CAPN2: variants seen among roughly 807,000 people sequenced by gnomAD.
CAPN2 encodes the protein calpain 2.
In CAPN2, 92 loss-of-function variants were observed where a neutral mutation model predicts 102.3. The observed-to-expected ratio is 0.90, with a 90% CI of 0.76 to 1.07. CAPN2 has a LOEUF of 1.07. Ranked by LOEUF, CAPN2 falls within the 50% of genes least tolerant of loss-of-function variation. The pLI is 0.00. For synonymous variants in CAPN2, 340 were observed against 355.4 expected (o/e 0.96, Z 0.49); for missense variants, 800 against 909.4 (o/e 0.88, Z 1.55).
In CAPN2 at chr1:223,766,327, G is replaced by A. The variant is rs375509112; in HGVS notation, c.1691-40G>A. On this transcript the variant is annotated intron_variant, in intron 15 of 20. Coordinates refer to ENST00000295006, the MANE Select transcript of CAPN2 (RefSeq NM_001748.5). ...GTGGAAAGTTCAGTTGGACATCACC[G>A]CTCAGAGATTTTTCCTGTCACACTG... is the stretch of plus-strand genomic sequence containing the variant. 474 of 1,498,040 alleles carry A rather than the reference G, an allele frequency of 3.2e-4. 5 individuals are homozygous for A. In the South Asian group the frequency reaches 3.5e-3, roughly 11 times the overall value. 92.8% of individuals were successfully genotyped at this position (1,498,040 alleles called of 1,614,324 possible).
chr1:223,737,702 C>CGGGGGGGGGG (rs1558066398), intron 2 of CAPN2, among the ~76,000 whole-genome samples: 2 of 7,612 alleles, frequency 2.6e-4, no homozygotes, highest in Admixed American at 1.7e-3. Context: ...CCAAAAGAGA[C>CGGGGGGGGGG]GGGGCGGGGG....
chr1:223,703,072 ATG>A (rs1659522937), intron 1 of CAPN2, among the ~76,000 whole-genome samples: 1 of 152,140 alleles, frequency 6.6e-6, no homozygotes, highest in African/African-American at 2.4e-5. Flanking sequence ...AAGGCTTAGA[ATG>A]TTCATTTTCT....
In CAPN2 at chr1:223,756,429, C is replaced by T. The variant is rs574086696; in HGVS notation, c.1305+780C>T. On this transcript the variant is annotated intron_variant, in intron 10 of 20. Transcript: ENST00000295006. The surrounding 1 kb of genome is among the most constrained non-coding windows in gnomAD (Gnocchi z 4.1). Reference sequence around the variant, plus strand: ...GCTGGAGCTGGCTCCTCCCGGCTCCCAAAGCCCATCTCTTTTCTCTGACCC... The same window carrying T: ...GCTGGAGCTGGCTCCTCCCGGCTCCTAAAGCCCATCTCTTTTCTCTGACCC... 3.9e-5 allele frequency among the ~76,000 whole-genome samples: 6 copies of T among 152,186 alleles called. No individual in the cohort carries two copies. The highest frequency in any genetic ancestry group is 8.8e-5 in the Non-Finnish European group (6 of 68,036).
chr1:223,713,073 G>C (rs925047498), intron 1 of CAPN2, among the ~76,000 whole-genome samples, 196 bp downstream of exon 1: 11 of 152,194 alleles, frequency 7.2e-5, no homozygotes, highest in African/African-American at 2.2e-4. Flanking sequence ...GGACTCCCGG[G>C]GCCTTCCCTC....
Position 223,731,804 on chromosome 1 carries a change from G to A in CAPN2, c.308-12296G>A, listed in dbSNP as rs773399357. ...ATGTGGAGGCAGCGGAAGGCATCTGGGAGTCTGGGCTGCCCCGTAGCAGCT... is the reference window on the plus strand; with the variant it reads ...ATGTGGAGGCAGCGGAAGGCATCTGAGAGTCTGGGCTGCCCCGTAGCAGCT... On this transcript the variant is annotated intron_variant, in intron 2 of 20. Coordinates refer to ENST00000295006, the MANE Select transcript of CAPN2 (RefSeq NM_001748.5). This position sits in a 1 kb window ranked among gnomAD's most constrained non-coding sequence, Gnocchi z 4.2. Among the ~76,000 whole-genome samples, 2 of 152,186 alleles carry A rather than the reference G, an allele frequency of 1.3e-5. No individual in the cohort carries two copies. The highest frequency in any genetic ancestry group is 2.9e-5 in the Non-Finnish European group (2 of 68,032).
chr1:223,720,315 C>CTCT (rs564518898), intron 2 of CAPN2, among the ~76,000 whole-genome samples: 27 of 107,468 alleles, frequency 2.5e-4, no homozygotes, highest in East Asian at 2.2e-3. Context: ...CTCTTTCTCT[C>CTCT]TTTTTTTTTT....
intron 2 of CAPN2, among the ~76,000 whole-genome samples, chr1:223,734,633 G>A (rs542517311): frequency 4.6e-5 from 7 of 151,800 alleles, no homozygotes; most frequent in East Asian, 3.9e-4. Context: ...CTCACCAGCC[G>A]GCACCCTTGG....
intron 18 of CAPN2, chr1:223,770,748 CT>C (rs1661452290): frequency 2.6e-6 from 1 of 386,094 alleles, no homozygotes; most frequent in Admixed American, 4.4e-5. Flanking sequence ...TCCAAGTTTC[CT>C]TTGGAGCCGC....
rs557023465 is a variant in CAPN2 at position 223,775,162 on chromosome 1, G to A, written c.*305G>A. 92 of 296,362 alleles carry A rather than the reference G, an allele frequency of 3.1e-4. No homozygotes were observed. Among genetic ancestry groups the A allele is most frequent in the Non-Finnish European group, 4.9e-4 (80 of 161,652 alleles). 18.4% of individuals were successfully genotyped at this position (296,362 alleles called of 1,614,324 possible). A position where few individuals can be genotyped will look rare whatever the true frequency, so the allele number is the denominator to read the frequency against. ...ACTTTTACACACTTTCCTGTTCATA[G>A]CAATATTAAATCAGGAAAAAAAAAT... is the stretch of plus-strand genomic sequence containing the variant. On this transcript the variant is annotated 3_prime_UTR_variant, in exon 21 of 21. Transcript: ENST00000295006.
chr1:223,739,671 A>G (rs1191354975), intron 2 of CAPN2, among the ~76,000 whole-genome samples: 1 of 152,214 alleles, frequency 6.6e-6, no homozygotes, highest in Non-Finnish European at 1.5e-5. Context: ...ACTGGAGAGC[A>G]GAGCCCTCCT....
chr1:223,718,809 G>GT (rs1659953030), intron 2 of CAPN2, among the ~76,000 whole-genome samples: 1 of 152,198 alleles, frequency 6.6e-6, no homozygotes, highest in Non-Finnish European at 1.5e-5. Context: ...CAGCTAATAT[G>GT]TATCTCTAAG....
chr1:223,712,697 C>G lies in CAPN2; in HGVS notation c.57C>G (p.Gly19=), dbSNP rs750093246. 6.4e-7 allele frequency: 1 copy of G among 1,574,518 alleles called. No individual in the cohort carries two copies. Among genetic ancestry groups the G allele is most frequent in the Non-Finnish European group, 8.6e-7 (1 of 1,163,110 alleles). The change falls in exon 1 of 21, where the codon GGC becomes GGG. Residue 19 remains glycine, a synonymous_variant. Coordinates refer to ENST00000295006, the MANE Select transcript of CAPN2 (RefSeq NM_001748.5). ...AKDREAAEGL[G]SHDRAIKYLN... ...ACCGGGAGGCGGCCGAGGGGCTGGGCTCCCACGACAGGGCCATCAAGTACC... is the reference window on the plus strand; with the variant it reads ...ACCGGGAGGCGGCCGAGGGGCTGGGGTCCCACGACAGGGCCATCAAGTACC...
chr1:223,774,875 C>T lies in CAPN2; in HGVS notation c.*18C>T, dbSNP rs1661574560. On this transcript the variant is annotated 3_prime_UTR_variant, in exon 21 of 21. Transcript: ENST00000295006. Reference sequence around the variant, plus strand: ...TACTTTGAAGTTATAACTAATCTGCCTGAAGACTTCTCATGATGGAAAATC... The same window carrying T: ...TACTTTGAAGTTATAACTAATCTGCTTGAAGACTTCTCATGATGGAAAATC... The T allele has an allele frequency of 6.2e-7, 1 of 1,607,462 alleles. No homozygotes were observed. Among genetic ancestry groups the T allele is most frequent in the Non-Finnish European group, 8.5e-7 (1 of 1,174,768 alleles).
intron 7 of CAPN2, among the ~76,000 whole-genome samples, chr1:223,751,682 T>C (rs760130524): frequency 9.9e-5 from 15 of 152,200 alleles, no homozygotes; most frequent in African/African-American, 7.2e-5. Flanking sequence ...CCCATCTCAA[T>C]TGGGCAACTG....
intron 5 of CAPN2, 80 bp from the exon 6 acceptor site, chr1:223,748,959 G>A (rs1053948906): frequency 1.5e-6 from 2 of 1,338,452 alleles, no homozygotes; most frequent in Non-Finnish European, 1.1e-6. Context: ...GTCCCGCCCG[G>A]CAGTAGGACA....
At chr1:223,730,707 A>G (rs1023051789) in intron 2 of CAPN2, among the ~76,000 whole-genome samples, 2 of 152,110 alleles carry the variant, frequency 1.3e-5, no homozygotes, top group African/African-American at 4.8e-5. Context: ...GGAGGATAAA[A>G]TGAGGCATGA....
At chr1:223,741,464 A>ATTTT (rs1306305608) in intron 2 of CAPN2, among the ~76,000 whole-genome samples, 1 of 141,910 alleles carries the variant, frequency 7.0e-6, no homozygotes, top group East Asian at 2.5e-4. Flanking sequence ...ATATATATAT[A>ATTTT]TATATTTGAG....
At chr1:223,732,936 G>A (rs143555019) in intron 2 of CAPN2, among the ~76,000 whole-genome samples, 102 of 152,306 alleles carry the variant, frequency 6.7e-4, no homozygotes, top group Non-Finnish European at 1.2e-3. Context: ...GGGCCAGCTT[G>A]TTTCTTTAAG....
upstream of CAPN2, among the ~76,000 whole-genome samples, chr1:223,711,935 A>T (rs1659739119): frequency 6.6e-6 from 1 of 152,196 alleles, no homozygotes; most frequent in African/African-American, 2.4e-5. Flanking sequence ...ATAATCAAAT[A>T]AACAGCTGAG....
Sources: gnomAD v4.1 joint callset for allele counts (sites outside exome capture counted in the v4.1 genomes callset) on GRCh38, gnomAD v4.1.1 for gene constraint, Gnocchi (gnomAD v3.1) non-coding constraint, MANE v1.5 for transcripts, NCBI Gene and HGNC (gene_info 2026-07-23, HGNC 2026-07-21) for gene names.